The following NXPE4 variants were observed in gnomAD, a reference collection of about 807,000 sequenced individuals.
NXPE4 encodes neurexophilin and PC-esterase domain family member 4, also known as NXPE family member 4.
Under a neutral mutation model 33.3 loss-of-function variants are expected in NXPE4, and 42 were observed. The observed-to-expected ratio is 1.26, with a 90% CI of 0.98 to 1.63. The LOEUF (loss-of-function observed/expected upper bound fraction) is 1.63, where lower values mean the gene tolerates loss of function less well. Among genes scored for constraint, NXPE4 ranks in the 40% most tolerant of loss-of-function variants. NXPE4 has a pLI of 0.00. For missense variants in NXPE4, 709 were observed against 647.6 expected, an observed-to-expected ratio of 1.09 and a Z score of -1.03; for synonymous variants, 253 against 234.9, an observed-to-expected ratio of 1.08 and a Z score of -0.71.
upstream of NXPE4, among the ~76,000 whole-genome samples, chr11:114,598,288 C>G (rs962372438): frequency 9.8e-5 from 2 of 20,480 alleles, no homozygotes; most frequent in Admixed American, 8.0e-4. Flanking sequence ...GCCCCTGTGG[C>G]TTTGTGTTGA....
At chr11:114,668,943 G>T in the NXPE4 span, among the ~76,000 whole-genome samples, 1 of 152,074 alleles carries the variant, frequency 6.6e-6, no homozygotes, top group Non-Finnish European at 1.5e-5. Flanking sequence ...TTAGAAGAAT[G>T]GAATCTCTGT....
chr11:114,598,649 T>A (rs1025506598), upstream of NXPE4, among the ~76,000 whole-genome samples: 15 of 150,056 alleles, frequency 1.0e-4, no homozygotes, highest in Non-Finnish European at 1.9e-4. Flanking sequence ...AGCAATGGCT[T>A]GAGCTGTACC....
the NXPE4 span, among the ~76,000 whole-genome samples, chr11:114,625,138 G>A: frequency 6.6e-6 from 1 of 152,228 alleles, no homozygotes; most frequent in East Asian, 1.9e-4. Context: ...TCTAATGACT[G>A]GATAATAAGT....
chr11:114,662,907 C>G, the NXPE4 span, among the ~76,000 whole-genome samples: 1 of 152,152 alleles, frequency 6.6e-6, no homozygotes, highest in Non-Finnish European at 1.5e-5. Context: ...TACCCAGGTA[C>G]TATATTGAGG....
chr11:114,643,791 T>C, the NXPE4 span, among the ~76,000 whole-genome samples: 1 of 152,150 alleles, frequency 6.6e-6, no homozygotes. Flanking sequence ...TTTTAATAAT[T>C]CTGTGAAGAA....
chr11:114,589,835 C>G (rs977821401), intron 2 of NXPE4, among the ~76,000 whole-genome samples: 6 of 152,048 alleles, frequency 3.9e-5, no homozygotes, highest in Non-Finnish European at 5.9e-5. Flanking sequence ...CCCTACAACA[C>G]CCCAATATTA....
the NXPE4 span, among the ~76,000 whole-genome samples, chr11:114,601,880 AT>A: frequency 1.6e-3 from 2 of 1,288 alleles, no homozygotes; most frequent in Non-Finnish European, 2.3e-3. Context: ...TATATTATAT[AT>A]AATTATATAT....
chr11:114,658,422 C>T, the NXPE4 span, among the ~76,000 whole-genome samples: 3 of 152,140 alleles, frequency 2.0e-5, no homozygotes, highest in Non-Finnish European at 4.4e-5. Flanking sequence ...CCTAGTACCT[C>T]TTTGTTTTGG....
chr11:114,677,310 A>T, the NXPE4 span, among the ~76,000 whole-genome samples: 2 of 152,124 alleles, frequency 1.3e-5, no homozygotes, highest in African/African-American at 4.8e-5. Flanking sequence ...ATGTTAGGTG[A>T]TGGATATGTT....
At chr11:114,650,990 A>G in the NXPE4 span, among the ~76,000 whole-genome samples, 1 of 152,172 alleles carries the variant, frequency 6.6e-6, no homozygotes, top group Admixed American at 6.6e-5. Context: ...CTTGCAACTC[A>G]GCCCCCACCC....
At chr11:114,662,440 T>C in the NXPE4 span, among the ~76,000 whole-genome samples, 1 of 152,204 alleles carries the variant, frequency 6.6e-6, no homozygotes, top group Non-Finnish European at 1.5e-5. Context: ...TATAGGACTC[T>C]AACTAAACTT....
At chr11:114,580,096 A>G (rs1949101182) in intron 5 of NXPE4, 36 bp downstream of exon 5, 2 of 1,522,974 alleles carry the variant, frequency 1.3e-6, no homozygotes, top group Non-Finnish European at 1.8e-6. Flanking sequence ...GAAGTTTCTG[A>G]AAGGGGTAAG....
At chr11:114,638,266 G>T in the NXPE4 span, among the ~76,000 whole-genome samples, 1 of 151,872 alleles carries the variant, frequency 6.6e-6, no homozygotes, top group Non-Finnish European at 1.5e-5. Context: ...CAGCTCCTGA[G>T]GCTTCTGCAT....
chr11:114,676,867 A>G, the NXPE4 span, among the ~76,000 whole-genome samples: 1 of 152,074 alleles, frequency 6.6e-6, no homozygotes, highest in African/African-American at 2.4e-5. Context: ...AGTATGCATC[A>G]ACAGATGAAC....
At chr11:114,670,009 T>A in the NXPE4 span, among the ~76,000 whole-genome samples, 2 of 152,012 alleles carry the variant, frequency 1.3e-5, no homozygotes, top group Non-Finnish European at 2.9e-5. Context: ...ATAAACCAAC[T>A]AATTTACCAG....
chr11:114,620,092 G>T, the NXPE4 span, among the ~76,000 whole-genome samples: 1 of 152,214 alleles, frequency 6.6e-6, no homozygotes, highest in East Asian at 1.9e-4. Context: ...TGCCTCTTGG[G>T]TAACCACTGT....
At chr11:114,616,964 G>A in the NXPE4 span, among the ~76,000 whole-genome samples, 28 of 145,930 alleles carry the variant, frequency 1.9e-4, no homozygotes, top group Middle Eastern at 3.5e-3. Flanking sequence ...ACTCTTACCC[G>A]GTTTATTATT....
At chr11:114,640,039 T>G in the NXPE4 span, among the ~76,000 whole-genome samples, 1 of 118,780 alleles carries the variant, frequency 8.4e-6, no homozygotes, top group Non-Finnish European at 1.6e-5. Flanking sequence ...CATAATTATA[T>G]TATTTTATAA....
intron 4 of NXPE4, 67 bp downstream of exon 4, chr11:114,581,658 T>C: frequency 1.6e-6 from 2 of 1,287,456 alleles, no homozygotes; most frequent in Non-Finnish European, 2.2e-6. Context: ...ACAAATCCAG[T>C]AGAAAGAAGA....
Sources: gnomAD v4.1 joint callset for allele counts (sites outside exome capture counted in the v4.1 genomes callset) on GRCh38, gnomAD v4.1.1 for gene constraint, MANE v1.5 for transcripts, NCBI Gene and HGNC (gene_info 2026-07-23, HGNC 2026-07-21) for gene names.